The following FAT3 variants were observed in gnomAD, a reference collection of about 807,000 sequenced individuals.
FAT3 encodes protocadherin Fat 3.
Under a neutral mutation model 310.2 loss-of-function variants are expected in FAT3, and 95 were observed. The observed-to-expected ratio is 0.31, with a 90% confidence interval of 0.26 to 0.36. The LOEUF (loss-of-function observed/expected upper bound fraction) is 0.36, where lower values mean the gene tolerates loss of function less well. FAT3 is among the 10% of genes least tolerant of loss of function. The pLI is 1.00. For missense variants in FAT3, 5,408 were observed against 5,715.6 expected, an observed-to-expected ratio of 0.95 and a Z score of 1.74; for synonymous variants, 2,314 against 2,192.9, an observed-to-expected ratio of 1.06 and a Z score of -1.54.
chr11:92,773,939 C>A, intron 6 of FAT3, 102 bp from the exon 7 acceptor site: 1 of 1,364,572 alleles, frequency 7.3e-7, no homozygotes. Context: ...GGATGCCTGT[C>A]AAAAAAAATT....
intron 4 of FAT3, among the ~76,000 whole-genome samples, chr11:92,724,073 A>T (rs1591650407): frequency 1.3e-5 from 2 of 152,232 alleles, no homozygotes; most frequent in African/African-American, 4.8e-5. Context: ...TTTAGCTCAC[A>T]GTGTTGTGGG....
At chr11:92,458,387 T>TA (rs1335226603) in intron 2 of FAT3, among the ~76,000 whole-genome samples, 1 of 152,220 alleles carries the variant, frequency 6.6e-6, no homozygotes, top group Non-Finnish European at 1.5e-5. Flanking sequence ...TTTATATAGT[T>TA]ACACTTTCCA....
rs751481648 is a variant in FAT3, at chr11:92,799,296, G to A, written c.6283G>A (p.Val2095Met). The A allele has an allele frequency of 6.2e-7, 1 of 1,613,950 alleles. No homozygotes were observed. Among genetic ancestry groups the A allele is most frequent in the South Asian group, 1.1e-5 (1 of 91,080 alleles). The change falls in exon 10 of 28, where the codon GTG becomes ATG. Residue 2095 changes from valine to methionine, a missense_variant. This residue lies in a region of FAT3 where 4,588 missense variants were observed against 4,809.8 expected (regional missense o/e 0.95). Transcript: ENST00000525166. Reference protein sequence around the residue: ...VGLPYYAAVQVDAEPGTLIYQ... With the variant: ...VGLPYYAAVQMDAEPGTLIYQ... ...CCTCCCATACTATGCTGCTGTTCAAGTGGATGCGGAACCCGGGACTCTGAT... is the reference window on the plus strand; with the variant it reads ...CCTCCCATACTATGCTGCTGTTCAAATGGATGCGGAACCCGGGACTCTGAT...
chr11:92,474,281 G>C (rs1437025652), intron 2 of FAT3, among the ~76,000 whole-genome samples: 1 of 152,170 alleles, frequency 6.6e-6, no homozygotes, highest in Non-Finnish European at 1.5e-5. Flanking sequence ...ATTTCTTCAT[G>C]AGAAATTTAT....
At chr11:92,785,132 G>T (rs986349603) in intron 7 of FAT3, among the ~76,000 whole-genome samples, 31 of 152,058 alleles carry the variant, frequency 2.0e-4, no homozygotes, top group African/African-American at 7.5e-4. Flanking sequence ...CGGCATAGAG[G>T]TGGTAGCACC....
At chr11:92,655,464 A>G (rs1288179501) in intron 3 of FAT3, among the ~76,000 whole-genome samples, 2 of 152,330 alleles carry the variant, frequency 1.3e-5, no homozygotes, top group East Asian at 3.9e-4. Flanking sequence ...TTCTTCATCT[A>G]TAAATTGGTT....
intron 1 of FAT3, among the ~76,000 whole-genome samples, chr11:92,346,560 T>C (rs1221301512): frequency 6.6e-6 from 1 of 152,210 alleles, no homozygotes; most frequent in African/African-American, 2.4e-5. Flanking sequence ...TTTTACTCGT[T>C]TTTTGTTTTG....
chr11:92,662,996 G>A (rs894112110), intron 3 of FAT3, among the ~76,000 whole-genome samples: 2 of 152,188 alleles, frequency 1.3e-5, no homozygotes, highest in African/African-American at 4.8e-5. Context: ...TTCATTGCTG[G>A]AGACTGGCTT....
intron 2 of FAT3, among the ~76,000 whole-genome samples, chr11:92,497,521 T>C (rs1216223626): frequency 2.0e-5 from 3 of 152,048 alleles, no homozygotes; most frequent in Non-Finnish European, 4.4e-5. Flanking sequence ...CTCCATCTTA[T>C]AAAGAGGGAA....
At chr11:92,555,066 C>T (rs1467586749) in intron 3 of FAT3, among the ~76,000 whole-genome samples, 2 of 152,208 alleles carry the variant, frequency 1.3e-5, no homozygotes, top group African/African-American at 4.8e-5. Flanking sequence ...TGAGACCACA[C>T]ACACCCACTA....
intron 1 of FAT3, among the ~76,000 whole-genome samples, chr11:92,297,660 C>T (rs1189692779): frequency 6.6e-6 from 1 of 152,066 alleles, no homozygotes; most frequent in Non-Finnish European, 1.5e-5. Context: ...ATTTTCTAAG[C>T]CTGCATTTGC....
intron 3 of FAT3, among the ~76,000 whole-genome samples, chr11:92,669,189 C>T (rs976993924): frequency 1.6e-4 from 25 of 152,174 alleles, no homozygotes; most frequent in African/African-American, 5.6e-4. Flanking sequence ...CTCTTGCAAC[C>T]TCAAGTAATA....
chr11:92,835,170 G>A, intron 15 of FAT3, 86 bp downstream of exon 15: 8 of 1,183,532 alleles, frequency 6.8e-6, no homozygotes, highest in Non-Finnish European at 9.5e-6. Context: ...GTCCGTCTTG[G>A]GTTTTCTTCA....
chr11:92,503,040 T>C (rs1175534028), intron 2 of FAT3, among the ~76,000 whole-genome samples: 1 of 152,110 alleles, frequency 6.6e-6, no homozygotes, highest in Non-Finnish European at 1.5e-5. Flanking sequence ...TTGTTGGCTT[T>C]AGTCTGAGAA....
At position 92,407,955 on chromosome 11, in the gene FAT3, CA is replaced by C. The variant is rs1178235889; in HGVS notation, c.3292+52554del. On this transcript the variant is annotated intron_variant, in intron 2 of 27. Transcript: ENST00000525166. ...GAATGAAACTTCCCAGCCCATGAGG[CA>C]AAGTGGTGGCAAAGAGCTTTAAAAT... The C allele has an allele frequency of 2.0e-5, 3 of 152,166 alleles. No individual in the cohort carries two copies. The South Asian group carries it at 6.2e-4, about 31-fold the overall frequency. 9.4% of individuals were successfully genotyped at this position (152,166 alleles called of 1,614,324 possible).
At chr11:92,556,694 A>T in intron 3 of FAT3, among the ~76,000 whole-genome samples, 1 of 152,150 alleles carries the variant, frequency 6.6e-6, no homozygotes, top group East Asian at 1.9e-4. Flanking sequence ...GCAATTTATC[A>T]TGCTGTAACT....
Position 92,354,656 on chromosome 11 carries a change from T to G in FAT3, c.2544T>G (p.Thr848=). ...TTCTTGAAAGTTCAGGCATTGGTAC[T>G]GAAATCATTCAAGTGGAAGCCAGAG... ...VNILESSGIG[T]EIIQVEARDK... is the part of the protein sequence containing the mutation. The change falls in exon 2 of 28, where the codon ACT becomes ACG. Residue 848 remains threonine, a synonymous_variant. Coordinates refer to ENST00000525166, the MANE Select transcript of FAT3 (RefSeq NM_001367949.2). The G allele has an allele frequency of 6.2e-7, 1 of 1,613,864 alleles. No homozygotes were observed. Among genetic ancestry groups the G allele is most frequent in the Non-Finnish European group, 8.5e-7 (1 of 1,179,864 alleles).
chr11:92,457,477 A>G (rs538039878), intron 2 of FAT3, among the ~76,000 whole-genome samples: 2 of 152,156 alleles, frequency 1.3e-5, no homozygotes, highest in African/African-American at 2.4e-5. Flanking sequence ...ACCATGACTC[A>G]TCTTTGTTGG....
intron 4 of FAT3, among the ~76,000 whole-genome samples, chr11:92,723,514 G>A (rs1444586154): frequency 6.6e-6 from 1 of 152,114 alleles, no homozygotes; most frequent in Non-Finnish European, 1.5e-5. Context: ...CTGTTAGCCA[G>A]TTCCAAATTC....
Sources: allele counts gnomAD v4.1 joint callset (sites outside exome capture counted in the v4.1 genomes callset), GRCh38; gene constraint gnomAD v4.1.1; regional missense constraint gnomAD v4.1.1; transcripts MANE v1.5; gene names NCBI Gene and HGNC (gene_info 2026-07-23, HGNC 2026-07-21).